Variants in PCDH15 observed in about 807,000 individuals in gnomAD.
PCDH15 encodes the protein protocadherin related 15.
In PCDH15, 129 loss-of-function variants were observed where a neutral mutation model predicts 178.5. The observed-to-expected ratio is 0.72, with a 90% CI of 0.63 to 0.84. PCDH15 has a LOEUF of 0.84. Ranked by LOEUF, PCDH15 falls within the 40% of genes least tolerant of loss-of-function variation. The pLI is 0.00. For missense variants in PCDH15, 2,230 were observed against 2,099.9 expected (o/e 1.06, Z -1.21); for synonymous variants, 800 against 732.0 (o/e 1.09, Z -1.50).
chr10:55,432,854 G>C (rs1178000809), intron 2 of PCDH15, among the ~76,000 whole-genome samples: 1 of 151,624 alleles, frequency 6.6e-6, no homozygotes. Context: ...TCGATCTCCT[G>C]ACCTCGTGAT....
chr10:54,701,315 T>C (rs2095306355), intron 1 of PCDH15, among the ~76,000 whole-genome samples: 2 of 151,992 alleles, frequency 1.3e-5, no homozygotes, highest in Admixed American at 6.6e-5. Flanking sequence ...GAGTGTTAAA[T>C]ATGGAAAGGA....
chr10:54,038,368 A>G (rs1408331590), intron 18 of PCDH15, among the ~76,000 whole-genome samples: 4 of 151,862 alleles, frequency 2.6e-5, no homozygotes, highest in African/African-American at 9.7e-5. Flanking sequence ...GATTAGTTGC[A>G]AGAGTTTTGT....
In PCDH15 at chr10:53,918,516, C is replaced by T. The variant is rs116716254; in HGVS notation, c.3374-15146G>A. Among the ~76,000 whole-genome samples, 735 of 152,272 alleles carry T rather than the reference C, an allele frequency of 4.8e-3. 4 individuals are homozygous for T. The highest frequency in any genetic ancestry group is 0.017 in the African/African-American group (718 of 41,550). The stretch of plus-strand genomic sequence containing the variant: ...AGAATTATTGAATAAAACGATACGT[C>T]TATTTCAAAAGACAGACAAGTACAG... On this transcript the variant is annotated intron_variant, in intron 25 of 37. Coordinates refer to ENST00000644397, the MANE Select transcript of PCDH15 (RefSeq NM_001384140.1).
At chr10:55,417,808 C>T (rs1315443934) in intron 2 of PCDH15, among the ~76,000 whole-genome samples, 2 of 149,120 alleles carry the variant, frequency 1.3e-5, no homozygotes, top group Non-Finnish European at 3.0e-5. Context: ...CAGAACCCAC[C>T]CAGAACACAA....
At chr10:55,327,601 AG>A (rs1844067229) in intron 2 of PCDH15, among the ~76,000 whole-genome samples, 1 of 152,124 alleles carries the variant, frequency 6.6e-6, no homozygotes, top group South Asian at 2.1e-4. Context: ...ATGAGTCAAA[AG>A]TCAATGTAAT....
In PCDH15 at chr10:53,808,202, TATA is replaced by T. The variant is rs141040455; in HGVS notation, c.4672-1075_4672-1073del. 1,049 of 159,442 alleles carry T rather than the reference TATA, an allele frequency of 6.6e-3. 15 individuals are homozygous for T. The highest frequency in any genetic ancestry group is 0.024 in the African/African-American group (1,001 of 41,626). 9.9% of individuals were successfully genotyped at this position (159,442 alleles called of 1,614,324 possible). A position where few individuals can be genotyped will look rare whatever the true frequency, so the allele number is the denominator to read the frequency against. ...ATTTGAACATGTTCATGATAGTTTT[TATA>T]ATACCTTTGCCAGTTGAAACGTACA... On this transcript the variant is annotated intron_variant, in intron 37 of 37. Transcript: ENST00000644397.
In PCDH15 at chr10:55,085,915, CTATT is replaced by C. The variant is rs576872049; in HGVS notation, c.-80+80657_-80+80660del. On this transcript the variant is annotated intron_variant, in intron 2 of 5. Coordinates refer to the PCDH15 transcript ENST00000458638. ...AAGACACAATAATATATGTTGATGA[CTATT>C]TAGTTATATGTATTTGAATAAATAT... Among the ~76,000 whole-genome samples, 13 of 151,554 alleles carry C rather than the reference CTATT, an allele frequency of 8.6e-5. No individual in the cohort carries two copies. The East Asian group carries it at 2.3e-3, about 27-fold the overall frequency.
intron 2 of PCDH15, among the ~76,000 whole-genome samples, chr10:55,601,649 T>G (rs1402860396): frequency 6.6e-6 from 1 of 151,640 alleles, no homozygotes; most frequent in East Asian, 1.9e-4. Context: ...TAAAATTGAG[T>G]AAAAAAATAG....
At chr10:55,010,647 G>A (rs1840026759) in intron 2 of PCDH15, among the ~76,000 whole-genome samples, 1 of 151,946 alleles carries the variant, frequency 6.6e-6, no homozygotes, top group South Asian at 2.1e-4. Context: ...AACAGAAGGA[G>A]GGCAGTCTTA....
chr10:55,014,992 G>A (rs941031730), intron 2 of PCDH15, among the ~76,000 whole-genome samples: 1 of 151,994 alleles, frequency 6.6e-6, no homozygotes, highest in African/African-American at 2.4e-5. Context: ...AGGCCGAGGC[G>A]GGCAGATCAC....
chr10:55,341,359 C>G (rs2131953948), intron 2 of PCDH15, among the ~76,000 whole-genome samples: 1 of 152,034 alleles, frequency 6.6e-6, no homozygotes, highest in East Asian at 1.9e-4. Flanking sequence ...AAGTAACTAT[C>G]ATACTCAATG....
intron 10 of PCDH15, among the ~76,000 whole-genome samples, chr10:54,201,882 A>G (rs1004599403): frequency 2.6e-5 from 4 of 152,214 alleles, no homozygotes; most frequent in African/African-American, 7.2e-5. Context: ...CCTATGGGTA[A>G]TTAATACTGA....
chr10:54,604,078 TCATATGGTTTCTTG>T (rs1266070983), intron 2 of PCDH15, among the ~76,000 whole-genome samples: 6 of 151,730 alleles, frequency 4.0e-5, no homozygotes, highest in African/African-American at 1.5e-4. Flanking sequence ...TATTTGTGAA[TCATATGGTTTCTTG>T]TTTCTTTACC....
intron 15 of PCDH15, among the ~76,000 whole-genome samples, chr10:54,121,336 AAGTT>A (rs1307076885): frequency 6.6e-6 from 1 of 152,130 alleles, no homozygotes; most frequent in East Asian, 1.9e-4. Context: ...CTACCTCAAA[AAGTT>A]AGAAAGATCT....
At chr10:54,241,793 A>G (rs1048075408) in intron 8 of PCDH15, among the ~76,000 whole-genome samples, 1 of 152,060 alleles carries the variant, frequency 6.6e-6, no homozygotes, top group African/African-American at 2.4e-5. Context: ...GAGATTCATA[A>G]TGAGAAGGTA....
intron 2 of PCDH15, among the ~76,000 whole-genome samples, chr10:55,613,881 G>T (rs1445486193): frequency 6.6e-6 from 1 of 152,162 alleles, no homozygotes; most frequent in Non-Finnish European, 1.5e-5. Flanking sequence ...TGCCGAGGCG[G>T]GTGGAACACA....
intron 2 of PCDH15, among the ~76,000 whole-genome samples, chr10:55,342,616 TAA>T (rs1304907222): frequency 6.6e-6 from 1 of 152,240 alleles, no homozygotes; most frequent in Non-Finnish European, 1.5e-5. Context: ...GTGGTTGTTT[TAA>T]ATAGATAACC....
At chr10:55,037,420 G>A (rs1840765141) in intron 2 of PCDH15, among the ~76,000 whole-genome samples, 2 of 152,068 alleles carry the variant, frequency 1.3e-5, no homozygotes, top group African/African-American at 4.8e-5. Flanking sequence ...TTTTAGGAGA[G>A]ACAGGGTTTC....
At chr10:54,087,403 T>C (rs1419646670) in intron 16 of PCDH15, among the ~76,000 whole-genome samples, 1 of 152,190 alleles carries the variant, frequency 6.6e-6, no homozygotes, top group African/African-American at 2.4e-5. Context: ...ATATAATACG[T>C]GCTCTTTTTG....
Sources: allele counts gnomAD v4.1 joint callset (sites outside exome capture counted in the v4.1 genomes callset), GRCh38; gene constraint gnomAD v4.1.1; transcripts MANE v1.5; gene names NCBI Gene and HGNC (gene_info 2026-07-23, HGNC 2026-07-21).